Variants in CEP63 observed in about 807,000 individuals in gnomAD.
The protein encoded by CEP63 is centrosomal protein of 63 kDa.
Under a neutral mutation model 89.1 loss-of-function variants are expected in CEP63, and 84 were observed. That is an observed-to-expected ratio of 0.94 (90% CI 0.79 to 1.13). The LOEUF is 1.13. Among genes scored for constraint, CEP63 ranks in the 50% most tolerant of loss-of-function variants. CEP63 has a pLI of 0.00. For synonymous variants in CEP63, 267 were observed against 272.5 expected (o/e 0.98, Z 0.20); for missense variants, 838 against 813.3 (o/e 1.03, Z -0.37).
At chr3:134,528,563 T>C (rs995007732) in intron 3 of CEP63, among the ~76,000 whole-genome samples, 6 of 112,748 alleles carry the variant, frequency 5.3e-5, no homozygotes, top group African/African-American at 6.2e-5. Flanking sequence ...GGTGTGTGTG[T>C]GTGTGCGTGT....
At chr3:134,541,510 CTTT>C (rs564947611) in intron 6 of CEP63, among the ~76,000 whole-genome samples, 1 of 128,350 alleles carries the variant, frequency 7.8e-6, no homozygotes, top group Non-Finnish European at 1.7e-5. Context: ...TACTAGCCAA[CTTT>C]TTTTTTTTTT....
chr3:134,514,000 A>T (rs1945607652), intron 3 of CEP63, among the ~76,000 whole-genome samples: 1 of 152,200 alleles, frequency 6.6e-6, no homozygotes, highest in Non-Finnish European at 1.5e-5. Context: ...CCAGGAGACA[A>T]GACAACACAA....
At chr3:134,756,493 G>T in the CEP63 span, among the ~76,000 whole-genome samples, 1 of 152,186 alleles carries the variant, frequency 6.6e-6, no homozygotes, top group African/African-American at 2.4e-5. Flanking sequence ...AGCTAAGACT[G>T]CAGGTGTGTG....
At chr3:134,532,001 C>G (rs1360278881) in intron 4 of CEP63, 61 bp downstream of exon 4, 2 of 1,203,948 alleles carry the variant, frequency 1.7e-6, no homozygotes, top group Non-Finnish European at 2.4e-6. Context: ...CCCTTGAGAA[C>G]TTTGTTAATG....
At chr3:134,629,419 G>A in the CEP63 span, 1 of 556,562 alleles carries the variant, frequency 1.8e-6, no homozygotes, top group South Asian at 2.4e-5. Flanking sequence ...ACTAGTTCCA[G>A]AGATGCAAAA....
the CEP63 span, among the ~76,000 whole-genome samples, chr3:134,614,950 A>G: frequency 3.7e-4 from 56 of 152,324 alleles, no homozygotes; most frequent in African/African-American, 1.3e-3. Context: ...GTGTGCCTGT[A>G]GGAGAGACTA....
At chr3:134,582,597 G>C (rs1958387888) in intron 10 of CEP63, among the ~76,000 whole-genome samples, 1 of 152,146 alleles carries the variant, frequency 6.6e-6, no homozygotes, top group Non-Finnish European at 1.5e-5. Flanking sequence ...CATTGGGTTG[G>C]TTCCAAGTCT....
At chr3:134,627,295 T>A in the CEP63 span, among the ~76,000 whole-genome samples, 1 of 152,120 alleles carries the variant, frequency 6.6e-6, no homozygotes, top group South Asian at 2.1e-4. Flanking sequence ...TTAGATGACA[T>A]CTGGTCTACT....
intron 2 of CEP63, among the ~76,000 whole-genome samples, chr3:134,504,638 T>G (rs562874803): frequency 6.6e-6 from 1 of 152,338 alleles, no homozygotes; most frequent in Admixed American, 6.5e-5. Flanking sequence ...TATTTGGATA[T>G]CTATATCTTT....
intron 3 of CEP63, among the ~76,000 whole-genome samples, chr3:134,525,678 A>G (rs1296615423): frequency 6.6e-6 from 1 of 152,088 alleles, no homozygotes; most frequent in Non-Finnish European, 1.5e-5. Flanking sequence ...TGCTTTCCAT[A>G]TGTGGTGCTT....
At chr3:134,507,894 C>T (rs1943873787) in intron 3 of CEP63, among the ~76,000 whole-genome samples, 1 of 152,054 alleles carries the variant, frequency 6.6e-6, no homozygotes. Flanking sequence ...GGAGGAAGTA[C>T]ACAGAATATT....
At chr3:134,619,548 C>T in the CEP63 span, among the ~76,000 whole-genome samples, 2 of 152,216 alleles carry the variant, frequency 1.3e-5, no homozygotes, top group Non-Finnish European at 2.9e-5. Context: ...ATGGGGCTCT[C>T]TCTGCTAATC....
chr3:134,669,474 G>A, the CEP63 span, among the ~76,000 whole-genome samples: 1 of 152,166 alleles, frequency 6.6e-6, no homozygotes, highest in Non-Finnish European at 1.5e-5. Context: ...GAGGAGGGGG[G>A]TCTTGGGCCC....
chr3:134,737,806 G>A, the CEP63 span, among the ~76,000 whole-genome samples: 1 of 152,192 alleles, frequency 6.6e-6, no homozygotes, highest in Non-Finnish European at 1.5e-5. Flanking sequence ...GCTGCTGTTA[G>A]AGGTTTGGGC....
chr3:134,545,313 T>G (rs1953028815), intron 6 of CEP63, among the ~76,000 whole-genome samples: 1 of 151,862 alleles, frequency 6.6e-6, no homozygotes, highest in Non-Finnish European at 1.5e-5. Context: ...GTATTTTTTA[T>G]AAAGACAGGG....
the CEP63 span, among the ~76,000 whole-genome samples, chr3:134,775,902 C>A: frequency 6.6e-6 from 1 of 152,136 alleles, no homozygotes; most frequent in African/African-American, 2.4e-5. Flanking sequence ...TGGGGCTTCC[C>A]GCTTTCTTTC....
At chr3:134,544,254 A>G (rs1952695898) in intron 6 of CEP63, among the ~76,000 whole-genome samples, 1 of 152,162 alleles carries the variant, frequency 6.6e-6, no homozygotes, top group African/African-American at 2.4e-5. Context: ...TTACCTCTAC[A>G]GATTATTTAT....
At chr3:134,595,503 CA>C in the CEP63 span, among the ~76,000 whole-genome samples, 6 of 152,196 alleles carry the variant, frequency 3.9e-5, no homozygotes, top group Admixed American at 6.5e-5. Flanking sequence ...CTGGGATTGG[CA>C]AATACATGGC....
At chr3:134,527,404 G>A (rs773365151) in intron 3 of CEP63, among the ~76,000 whole-genome samples, 5 of 152,134 alleles carry the variant, frequency 3.3e-5, no homozygotes, top group African/African-American at 2.4e-5. Context: ...GGCAGTGTTG[G>A]TGCAAGGAAG....
Sources: allele counts gnomAD v4.1 joint callset (sites outside exome capture counted in the v4.1 genomes callset), GRCh38; gene constraint gnomAD v4.1.1; transcripts MANE v1.5; gene names NCBI Gene and HGNC (gene_info 2026-07-23, HGNC 2026-07-21).